Variants in MRPS22 observed in about 807,000 individuals in gnomAD.
MRPS22 encodes small ribosomal subunit protein mS22.
Under a neutral mutation model 44.0 loss-of-function variants are expected in MRPS22, and 30 were observed. That is an observed-to-expected ratio of 0.68 (90% confidence interval 0.51 to 0.93). The LOEUF (loss-of-function observed/expected upper bound fraction) is 0.93, where lower values mean the gene tolerates loss of function less well. Ranked by LOEUF, MRPS22 falls within the 40% of genes least tolerant of loss-of-function variation. The pLI, the probability that MRPS22 is intolerant of heterozygous loss-of-function variation, is 0.00. For missense variants in MRPS22, 447 were observed against 447.8 expected (o/e 1.00, Z 0.02); for synonymous variants, 165 against 154.4 (o/e 1.07, Z -0.51).
At chr3:139,350,463 T>A in intron 4 of MRPS22, 141 bp downstream of exon 4, 1 of 958,266 alleles carries the variant, frequency 1.0e-6, no homozygotes, top group East Asian at 2.7e-5. Context: ...GTTTCGCTCC[T>A]TTTGCCCAGG....
chr3:139,351,058 A>G lies in MRPS22; in HGVS notation c.730A>G (p.Lys244Glu). ...TGAGCCAGATTCCACAGAGTATATCAAGGTGAGTAGATTTTAGTTTCTAAA... is the reference window on the plus strand; with the variant it reads ...TGAGCCAGATTCCACAGAGTATATCGAGGTGAGTAGATTTTAGTTTCTAAA... ...QFEPDSTEYI[K>E]VHHKTYEDID... Residue 244 changes from lysine (K) to glutamate (E), a missense_variant and splice_region_variant, in exon 5 of 8, where the codon AAG (lysine) becomes GAG (glutamate). Physicochemically the swap from Lys to Glu is moderately conservative, Grantham distance 56 (BLOSUM62 1). Transcript: ENST00000680020. The G allele has an allele frequency of 6.2e-7, 1 of 1,612,420 alleles. No homozygotes were observed. The highest frequency in any genetic ancestry group is 2.2e-5 in the East Asian group (1 of 44,880).
Position 139,356,955 on chromosome 3 carries a change from A to ATAG in MRPS22, c.1025_1027dup (p.Ile342_Glu343insVal). The ATAG allele has an allele frequency of 2.5e-6, 4 of 1,613,318 alleles. No individual in the cohort carries two copies. The highest frequency in any genetic ancestry group is 3.4e-6 in the Non-Finnish European group (4 of 1,179,656). On this transcript the variant is annotated inframe_insertion, in exon 8 of 8. Transcript: ENST00000680020. ...AACAGAAGCACAGAAGGGAGCCTATATAGAACTAACACTGCAGACTTATCA... is the reference window on the plus strand; with the variant it reads ...AACAGAAGCACAGAAGGGAGCCTATATAGTAGAACTAACACTGCAGACTTATCA...
chr3:139,348,515 A>G, intron 3 of MRPS22, 191 bp downstream of exon 3: 1 of 619,054 alleles, frequency 1.6e-6, no homozygotes, highest in Non-Finnish European at 2.9e-6. Context: ...TGGTGTTACC[A>G]TTTCTCAGCA....
chr3:139,349,178 T>C, intron 3 of MRPS22: 1 of 357,438 alleles, frequency 2.8e-6, no homozygotes, highest in South Asian at 2.2e-5. Context: ...CTTTAATATA[T>C]GTTTGCAGTG....
At chr3:139,350,912 G>T in intron 4 of MRPS22, 65 bp from the exon 5 acceptor site, 1 of 1,319,994 alleles carries the variant, frequency 7.6e-7, no homozygotes. Flanking sequence ...GGCCTGTCAT[G>T]ACATCAGGAC....
At position 139,355,784 on chromosome 3, in the gene MRPS22, A is replaced by T; in HGVS notation, c.981A>T (p.Leu327Phe). The change falls in exon 7 of 8, where the codon TTA becomes TTT. Residue 327 changes from leucine to phenylalanine, a missense_variant. By Grantham distance (22) the Leu-to-Phe change is conservative. Transcript: ENST00000680020. ...AKDQAAEGIN[L>F]IKVFAKTEAQ... The stretch of plus-strand genomic sequence containing the variant: ...ATCAGGCTGCTGAGGGAATAAATTT[A>T]ATCAAGGTAAAGTTTTTTTTTCATA... The T allele has an allele frequency of 6.2e-7, 1 of 1,613,532 alleles. No individual in the cohort carries two copies. Among genetic ancestry groups the T allele is most frequent in the Non-Finnish European group, 8.5e-7 (1 of 1,179,494 alleles).
In MRPS22 at chr3:139,350,989, C is replaced by G. The variant is rs774515793; in HGVS notation, c.661C>G (p.Gln221Glu). ...KEENLRTMYS[Q>E]DRHVDVLNLC... Reference sequence around the variant, plus strand: ...TGTGTGGTTTTAGACTATGTATAGCCAGGACAGGCATGTTGATGTCCTCAA... The same window carrying G: ...TGTGTGGTTTTAGACTATGTATAGCGAGGACAGGCATGTTGATGTCCTCAA... Residue 221 changes from glutamine to glutamate, a missense_variant, in exon 5 of 8, where the codon CAG (glutamine) becomes GAG (glutamate). Gln to Glu is a conservative substitution (Grantham distance 29). Transcript: ENST00000680020. 1.4e-5 allele frequency: 23 copies of G among 1,613,780 alleles called. No homozygotes were observed. The Admixed American group carries it at 3.8e-4, about 27-fold the overall frequency.
intron 7 of MRPS22, 123 bp downstream of exon 7, chr3:139,355,913 A>C: frequency 1.3e-6 from 1 of 757,230 alleles, no homozygotes; most frequent in Non-Finnish European, 2.3e-6. Context: ...GTGGTCTTGA[A>C]AACATCAGTA....
Position 139,352,728 on chromosome 3 carries a change from G to A in MRPS22, c.814G>A (p.Val272Met). The A allele has an allele frequency of 6.2e-7, 1 of 1,613,478 alleles. No homozygotes were observed. Among genetic ancestry groups the A allele is most frequent in the Non-Finnish European group, 8.5e-7 (1 of 1,179,460 alleles). ...LRSTRYFGGM[V>M]WYFVNNKKID... ...TTCAACAAGATACTTTGGTGGAATG[G>A]TGTGGTATTTTGTAAATAATAAAAA... The change falls in exon 6 of 8, where the codon GTG (valine) becomes ATG (methionine). Residue 272 changes from valine to methionine, a missense_variant. Val to Met is a conservative substitution (Grantham distance 21). Transcript: ENST00000680020.
chr3:139,347,998 C>CTT (rs1275521075), intron 2 of MRPS22, among the ~76,000 whole-genome samples, 162 bp from the exon 3 acceptor site: 1 of 152,200 alleles, frequency 6.6e-6, no homozygotes, highest in Non-Finnish European at 1.5e-5. Context: ...AGGCAAAGGC[C>CTT]AGGGCTCACA....
Position 139,356,997 on chromosome 3 carries a change from C to T in MRPS22, c.1066C>T (p.His356Tyr). 5 of 1,610,656 alleles carry T rather than the reference C, an allele frequency of 3.1e-6. No individual in the cohort carries two copies. In the South Asian group the frequency reaches 5.5e-5, roughly 18 times the overall value. ...LQTYQEALSR[H>Y]SAAS is the part of the protein sequence containing the mutation. ...GACTTATCAAGAAGCACTCAGTCGC[C>T]ATTCTGCAGCTTCCTAAAAATATTT... The change falls in exon 8 of 8, where the codon CAT becomes TAT. Residue 356 changes from histidine (H) to tyrosine (Y), a missense_variant. By Grantham distance (83) the His-to-Tyr change is moderately conservative. Coordinates refer to ENST00000680020, the MANE Select transcript of MRPS22 (RefSeq NM_020191.4).
At chr3:139,350,914 C>A in intron 4 of MRPS22, 63 bp from the exon 5 acceptor site, 1 of 1,314,202 alleles carries the variant, frequency 7.6e-7, no homozygotes, top group Non-Finnish European at 1.1e-6. Context: ...CCTGTCATGA[C>A]ATCAGGACAG....
At chr3:139,344,558 C>T in intron 1 of MRPS22, 2 of 614,964 alleles carry the variant, frequency 3.3e-6, no homozygotes, top group African/African-American at 1.8e-5. Context: ...GGCACTCAAA[C>T]TAGGTTGGAA....
chr3:139,355,494 G>A (rs773806845), intron 6 of MRPS22, 188 bp from the exon 7 acceptor site: 36 of 622,784 alleles, frequency 5.8e-5, no homozygotes, highest in Non-Finnish European at 8.9e-5. Context: ...CGGAGTTGGT[G>A]TGAGGCCTAA....
In MRPS22 at chr3:139,344,117, C is replaced by A; in HGVS notation, c.91C>A (p.Pro31Thr). The A allele has an allele frequency of 6.2e-7, 1 of 1,614,096 alleles. No homozygotes were observed. Among genetic ancestry groups the A allele is most frequent in the Non-Finnish European group, 8.5e-7 (1 of 1,180,014 alleles). The change falls in exon 1 of 8, where the codon CCC becomes ACC. Residue 31 changes from proline to threonine, a missense_variant. Transcript: ENST00000680020. ...GGTCTGTTTCCGGGCTCGAATCCAGCCCTGGCACGGTGGCCTGCTCCAACC... is the reference window on the plus strand; with the variant it reads ...GGTCTGTTTCCGGGCTCGAATCCAGACCTGGCACGGTGGCCTGCTCCAACC... Reference protein sequence around the residue: ...ERVCFRARIQPWHGGLLQPLP... With the variant: ...ERVCFRARIQTWHGGLLQPLP...
At chr3:139,350,158 G>T in intron 3 of MRPS22, 21 bp from the exon 4 acceptor site, 1 of 1,613,876 alleles carries the variant, frequency 6.2e-7, no homozygotes. Flanking sequence ...ACGCATCCTT[G>T]ATTATGTTTT....
Position 139,348,307 on chromosome 3 carries a change from T to C in MRPS22, c.487T>C (p.Tyr163His), listed in dbSNP as rs764399391. 3 of 1,613,946 alleles carry C rather than the reference T, an allele frequency of 1.9e-6. No homozygotes were observed. The highest frequency in any genetic ancestry group is 2.7e-5 in the African/African-American group (2 of 74,950). The change falls in exon 3 of 8, where the codon TAT becomes CAT. Residue 163 changes from tyrosine to histidine, a missense_variant. Physicochemically the swap from Tyr to His is moderately conservative, Grantham distance 83 (BLOSUM62 2). Transcript: ENST00000680020. ...CAAATATGTGTTTACTGATATATCA[T>C]ATAGCATACCACACCGGGTGAGTAT... ...TTKYVFTDISYSIPHRERFIV... is the reference protein window; with the variant it reads ...TTKYVFTDISHSIPHRERFIV...
At chr3:139,355,525 A>G in intron 6 of MRPS22, 157 bp from the exon 7 acceptor site, 3 of 693,578 alleles carry the variant, frequency 4.3e-6, no homozygotes, top group East Asian at 5.5e-5. Context: ...TTTCCTGAAA[A>G]TGCTTTTGAA....
At position 139,357,096 on chromosome 3, in the gene MRPS22, C is replaced by A; in HGVS notation, c.*82C>A. 8.7e-7 allele frequency: 1 copy of A among 1,154,390 alleles called. No individual in the cohort carries two copies. The highest frequency in any genetic ancestry group is 1.3e-6 in the Non-Finnish European group (1 of 788,534). 71.5% of individuals were successfully genotyped at this position (1,154,390 alleles called of 1,614,324 possible). ...ATTGAGCTAAATGTTAAAAAATGGC[C>A]AGATTAAAAGATATCAATTTGTAGT... On this transcript the variant is annotated 3_prime_UTR_variant, in exon 8 of 8. Transcript: ENST00000680020.
Sources: gnomAD v4.1 joint callset for allele counts (sites outside exome capture counted in the v4.1 genomes callset) on GRCh38, gnomAD v4.1.1 for gene constraint, MANE v1.5 for transcripts, NCBI Gene and HGNC (gene_info 2026-07-23, HGNC 2026-07-21) for gene names.